The following DISC1 variants were observed in gnomAD, a reference collection of about 807,000 sequenced individuals.
The protein encoded by DISC1 is disrupted in schizophrenia 1 protein.
A neutral mutation model predicts 84.5 loss-of-function variants in DISC1; 57 were observed. The ratio of observed to expected loss-of-function variants is 0.67; its 90% CI spans 0.55 to 0.84. DISC1 has a LOEUF of 0.84. DISC1 is among the 40% of genes least tolerant of loss of function. The probability of loss-of-function intolerance (pLI) is 0.00; values close to 1 mark genes in which losing one functional copy is unlikely to be tolerated. For missense variants in DISC1, 1,000 were observed against 1,057.8 expected (o/e 0.95, Z 0.76); for synonymous variants, 411 against 415.2 (o/e 0.99, Z 0.12).
At chr1:231,950,881 G>A (rs1485718707) in intron 9 of DISC1, among the ~76,000 whole-genome samples, 2 of 152,116 alleles carry the variant, frequency 1.3e-5, no homozygotes, top group Non-Finnish European at 2.9e-5. Context: ...TAAGCAAGGA[G>A]CTGTGTCTAC....
chr1:231,920,188 G>A (rs2089910504), intron 9 of DISC1, among the ~76,000 whole-genome samples: 1 of 152,168 alleles, frequency 6.6e-6, no homozygotes, highest in African/African-American at 2.4e-5. Context: ...TGAAAACACA[G>A]CGTGCCTAGT....
chr1:232,014,650 G>A (rs568304561), intron 11 of DISC1, among the ~76,000 whole-genome samples: 8 of 152,164 alleles, frequency 5.3e-5, no homozygotes, highest in Admixed American at 5.2e-4. Flanking sequence ...CTATTCATTC[G>A]ATATAGGACC....
At position 231,707,255 on chromosome 1, in the gene DISC1, C is replaced by T. The variant is rs2067203612; in HGVS notation, c.1117+5231C>T. The stretch of plus-strand genomic sequence containing the variant: ...TGAAATCTGCTCAGAGAGACAGGTC[C>T]AGCAAAACTGTCACTTTATAATGTC... On this transcript the variant is annotated intron_variant, in intron 3 of 12. Coordinates refer to ENST00000439617, the MANE Select transcript of DISC1 (RefSeq NM_018662.3). Among the ~76,000 whole-genome samples the T allele has an allele frequency of 2.6e-5, 4 of 152,158 alleles. No homozygotes were observed. In the South Asian group the frequency reaches 8.3e-4, roughly 32 times the overall value.
intron 6 of DISC1, among the ~76,000 whole-genome samples, chr1:231,776,651 A>T (rs1443410340): frequency 6.6e-6 from 1 of 152,168 alleles, no homozygotes; most frequent in Non-Finnish European, 1.5e-5. Flanking sequence ...TCCTCATCAC[A>T]CCTGTGCTCA....
Position 231,694,927 on chromosome 1 carries a change from C to G in DISC1, c.1047+122C>G, listed in dbSNP as rs1050719194. On this transcript the variant is annotated intron_variant, in intron 2 of 12. Transcript: ENST00000439617. ...CTTCCTCCTGGAAGCTGCAGCAGCT[C>G]CTTTTGGAGCCGGCTGCACAGGATG... 2.9e-6 allele frequency: 4 copies of G among 1,379,262 alleles called. No individual in the cohort carries two copies. In the African/African-American group the frequency reaches 4.3e-5, roughly 15 times the overall value. 85.4% of individuals were successfully genotyped at this position (1,379,262 alleles called of 1,614,324 possible). A position where few individuals can be genotyped will look rare whatever the true frequency, so the allele number is the denominator to read the frequency against.
At chr1:231,738,681 T>G (rs1445913377) in intron 3 of DISC1, among the ~76,000 whole-genome samples, 1 of 152,172 alleles carries the variant, frequency 6.6e-6, no homozygotes, top group African/African-American at 2.4e-5. Flanking sequence ...CTAAATAGTA[T>G]GTTGTGGGCA....
At chr1:231,786,856 C>T (rs1311828821) in intron 6 of DISC1, among the ~76,000 whole-genome samples, 1 of 152,130 alleles carries the variant, frequency 6.6e-6, no homozygotes, top group Non-Finnish European at 1.5e-5. Context: ...GAGCAGTGCT[C>T]TGAGAAGAGG....
At chr1:231,833,237 TCAAAGTTGGCAC>T (rs2082376321) in intron 9 of DISC1, among the ~76,000 whole-genome samples, 1 of 150,880 alleles carries the variant, frequency 6.6e-6, no homozygotes, top group Non-Finnish European at 1.5e-5. Context: ...AAGAGTATTG[TCAAAGTTGGCAC>T]CAGAGTTGGG....
At chr1:231,948,242 T>A (rs1235696466) in intron 9 of DISC1, among the ~76,000 whole-genome samples, 2 of 152,132 alleles carry the variant, frequency 1.3e-5, no homozygotes, top group Non-Finnish European at 2.9e-5. Flanking sequence ...AAAGAAAATG[T>A]GGCACATATA....
intron 10 of DISC1, among the ~76,000 whole-genome samples, chr1:231,960,329 C>G (rs1332028065): frequency 2.0e-5 from 3 of 152,188 alleles, no homozygotes; most frequent in Non-Finnish European, 4.4e-5. Flanking sequence ...TCTTAGCTCA[C>G]TGCAACCTCT....
At chr1:232,033,329 TCTC>T (rs1185965290) in intron 12 of DISC1, among the ~76,000 whole-genome samples, 1 of 152,168 alleles carries the variant, frequency 6.6e-6, no homozygotes, top group East Asian at 1.9e-4. Flanking sequence ...TCTAGCCACC[TCTC>T]CTACCTCCAC....
At chr1:231,750,796 G>A (rs571964383) in intron 4 of DISC1, among the ~76,000 whole-genome samples, 6 of 152,150 alleles carry the variant, frequency 3.9e-5, no homozygotes, top group Non-Finnish European at 7.3e-5. Context: ...GAGGGAACAG[G>A]TGTTTTATGA....
rs73093404 is a variant in DISC1, at chr1:231,848,177, T to A, written c.1981+29660T>A. Among the ~76,000 whole-genome samples, 435 of 152,282 alleles carry A rather than the reference T, an allele frequency of 2.9e-3. 2 individuals carry two copies. Among genetic ancestry groups the A allele is most frequent in the African/African-American group, 0.01 (420 of 41,566 alleles). ...GTGACTTGGAGAACTTGGAGACGCG[T>A]ATCAATGCCGCCTTTCTTCCCTGTC... On this transcript the variant is annotated intron_variant, in intron 9 of 12. Transcript: ENST00000439617.
At chr1:231,774,812 C>T (rs865833309) in intron 6 of DISC1, 8 of 454,490 alleles carry the variant, frequency 1.8e-5, no homozygotes, top group Non-Finnish European at 2.7e-5. Flanking sequence ...CCAGCTGGCT[C>T]AACAGGTCAG....
chr1:231,758,588 G>A (rs1168175342), intron 4 of DISC1, among the ~76,000 whole-genome samples: 3 of 152,174 alleles, frequency 2.0e-5, no homozygotes, highest in African/African-American at 7.2e-5. Context: ...AGAATGCAGA[G>A]CGTTTAGGTC....
Position 231,853,244 on chromosome 1 carries a change from A to C in DISC1, c.1981+34727A>C, listed in dbSNP as rs186973438. On this transcript the variant is annotated intron_variant, in intron 9 of 12. Transcript: ENST00000439617. ...AATATTTGTAGAAACAAAATAATCA[A>C]ATACAGTCCTACATCATTTAATGTT... Among the ~76,000 whole-genome samples the C allele has an allele frequency of 2.1e-3, 315 of 152,356 alleles. 1 individual carries two copies. Among genetic ancestry groups the C allele is most frequent in the African/African-American group, 7.1e-3 (297 of 41,586 alleles).
intron 9 of DISC1, among the ~76,000 whole-genome samples, chr1:231,874,013 A>G (rs1226500047): frequency 6.6e-6 from 1 of 150,990 alleles, no homozygotes; most frequent in African/African-American, 2.4e-5. Context: ...ACGCCCAGCT[A>G]TTTTTTTTAT....
rs528003617 is a variant in DISC1, at chr1:231,913,294, A to G, written c.1982-45534A>G. 9.2e-5 allele frequency among the ~76,000 whole-genome samples: 14 copies of G among 152,252 alleles called. 1 individual carries two copies. Among genetic ancestry groups the G allele is most frequent in the South Asian group, 4.2e-4 (2 of 4,816 alleles). On this transcript the variant is annotated intron_variant, in intron 9 of 12. Coordinates refer to ENST00000439617, the MANE Select transcript of DISC1 (RefSeq NM_018662.3). ...GGGGCACAAGTTTTATTTCTTGATA[A>G]GGCTGTCATATTATGGCTAATGCTT...
At chr1:231,851,722 G>T (rs1403496069) in intron 9 of DISC1, among the ~76,000 whole-genome samples, 1 of 152,196 alleles carries the variant, frequency 6.6e-6, no homozygotes, top group Non-Finnish European at 1.5e-5. Context: ...CAGAAGGGCA[G>T]CCAGGCTGGC....
Sources: gnomAD v4.1 joint callset for allele counts (sites outside exome capture counted in the v4.1 genomes callset) on GRCh38, gnomAD v4.1.1 for gene constraint, MANE v1.5 for transcripts, NCBI Gene and HGNC (gene_info 2026-07-23, HGNC 2026-07-21) for gene names.